LMTK2: variants seen among roughly 807,000 people sequenced by gnomAD.
LMTK2 encodes the protein lemur tail kinase 2.
LMTK2 carries 37 observed loss-of-function variants against 127.5 expected under a neutral mutation model. The observed-to-expected ratio is 0.29, with a 90% CI of 0.22 to 0.38. LMTK2 has a LOEUF of 0.38. Among genes scored for constraint, LMTK2 ranks in the 10% least tolerant of loss-of-function variants. The pLI, the probability that LMTK2 is intolerant of heterozygous loss-of-function variation, is 1.00. For synonymous variants in LMTK2, 819 were observed against 810.1 expected (o/e 1.01, Z -0.19); for missense variants, 1,694 against 1,920.3 (o/e 0.88, Z 2.20).
At chr7:98,121,981 C>T (rs1279466451) in intron 1 of LMTK2, among the ~76,000 whole-genome samples, 1 of 152,020 alleles carries the variant, frequency 6.6e-6, no homozygotes, top group African/African-American at 2.4e-5. Context: ...GGCGACAGAG[C>T]CGGACTGTCG....
chr7:98,175,919 G>A lies in LMTK2; in HGVS notation c.791+4245G>A, dbSNP rs114251654. Among the ~76,000 whole-genome samples the A allele has an allele frequency of 2.1e-3, 318 of 152,342 alleles. 3 individuals are homozygous for A. The highest frequency in any genetic ancestry group is 7.3e-3 in the African/African-American group (304 of 41,578). On this transcript the variant is annotated intron_variant, in intron 7 of 13. Transcript: ENST00000297293. ...CCTTTAATGAACAGGTGGCTCCAGT[G>A]TATTTAAACTATTCCGGACCATAAA...
intron 7 of LMTK2, among the ~76,000 whole-genome samples, chr7:98,172,178 G>C (rs1474951674): frequency 6.6e-6 from 1 of 152,218 alleles, no homozygotes; most frequent in Non-Finnish European, 1.5e-5. Flanking sequence ...GGTGTCATGG[G>C]ATCCGATCTG....
At chr7:98,147,380 GACTAATTT>G (rs1178241633) in intron 3 of LMTK2, among the ~76,000 whole-genome samples, 2 of 152,028 alleles carry the variant, frequency 1.3e-5, no homozygotes, top group African/African-American at 2.4e-5. Context: ...TACCACTCCT[GACTAATTT>G]ATTTTTAATT....
In LMTK2 at chr7:98,124,796, T is replaced by A. The variant is rs560138136; in HGVS notation, c.104-12519T>A. Among the ~76,000 whole-genome samples, 54 of 138,260 alleles carry A rather than the reference T, an allele frequency of 3.9e-4. 1 individual carries two copies. In the South Asian group the frequency reaches 9.4e-3, roughly 24 times the overall value. The allele number at this position is 138,260 out of a possible 152,430, so 90.7% of individuals were successfully genotyped here. On this transcript the variant is annotated intron_variant, in intron 1 of 13. Transcript: ENST00000297293. Reference sequence around the variant, plus strand: ...CAAGACTGTGTCTCTAAAAAAAAAATAATAATAACATAAAATGGGGCTAAT... The same window carrying A: ...CAAGACTGTGTCTCTAAAAAAAAAAAAATAATAACATAAAATGGGGCTAAT...
Position 98,134,450 on chromosome 7 carries a change from C to T in LMTK2, c.104-2865C>T, listed in dbSNP as rs184483622. Among the ~76,000 whole-genome samples the T allele has an allele frequency of 1.8e-4, 28 of 152,250 alleles. No homozygotes were observed. The East Asian group carries it at 5.0e-3, about 27-fold the overall frequency. ...CAATAAAAAACAGTGTACGTGAAAGCGCTTTGCTTTCCTCAGGAGTCAAAT... is the reference window on the plus strand; with the variant it reads ...CAATAAAAAACAGTGTACGTGAAAGTGCTTTGCTTTCCTCAGGAGTCAAAT... On this transcript the variant is annotated intron_variant, in intron 1 of 13. Coordinates refer to ENST00000297293, the MANE Select transcript of LMTK2 (RefSeq NM_014916.4).
intron 2 of LMTK2, among the ~76,000 whole-genome samples, chr7:98,138,483 G>A (rs542787133): frequency 3.3e-5 from 5 of 152,266 alleles, no homozygotes; most frequent in East Asian, 1.9e-4. Flanking sequence ...GAGGGTGGTT[G>A]GAAAACACTA....
At chr7:98,111,500 G>T (rs908957916) in intron 1 of LMTK2, among the ~76,000 whole-genome samples, 1 of 152,174 alleles carries the variant, frequency 6.6e-6, no homozygotes, top group East Asian at 1.9e-4. Flanking sequence ...TTTGTAGTGA[G>T]ATCTGGGTGT....
chr7:98,150,335 A>T (rs1365849826), intron 3 of LMTK2, among the ~76,000 whole-genome samples: 1 of 151,920 alleles, frequency 6.6e-6, no homozygotes, highest in Non-Finnish European at 1.5e-5. Flanking sequence ...AAAAATGAAA[A>T]CTAAAATAAG....
In LMTK2 at chr7:98,184,994, A is replaced by G. The variant is rs369812150; in HGVS notation, c.792-57A>G. The G allele has an allele frequency of 1.8e-4, 234 of 1,273,326 alleles. No individual in the cohort carries two copies. In the African/African-American group the frequency reaches 3.0e-3, roughly 16 times the overall value. 78.9% of individuals were successfully genotyped at this position (1,273,326 alleles called of 1,614,324 possible). On this transcript the variant is annotated intron_variant, in intron 7 of 13. Coordinates refer to ENST00000297293, the MANE Select transcript of LMTK2 (RefSeq NM_014916.4). ...AAGCCCATTTCTGTGGCATTTCCAT[A>G]CAGCATGATCCTGGTTGTTGATTCT...
At chr7:98,149,946 G>GC (rs35051073) in intron 3 of LMTK2, among the ~76,000 whole-genome samples, 152,142 of 152,262 alleles carry the variant, frequency 1, 76,011 homozygotes, top group Middle Eastern at 1. Flanking sequence ...ATAAGAAACA[G>GC]CCAATAAAAA....
intron 2 of LMTK2, among the ~76,000 whole-genome samples, chr7:98,140,144 T>TTC (rs1562902725): frequency 1.6e-5 from 1 of 60,696 alleles, no homozygotes; most frequent in African/African-American, 1.8e-4. Flanking sequence ...CTTTCTTTCT[T>TTC]TTCTTTTCTT....
intron 1 of LMTK2, among the ~76,000 whole-genome samples, chr7:98,113,004 G>C (rs1431067123): frequency 6.6e-6 from 1 of 152,138 alleles, no homozygotes; most frequent in Non-Finnish European, 1.5e-5. Flanking sequence ...GTCACCTACA[G>C]ACACTTACCT....
intron 11 of LMTK2, among the ~76,000 whole-genome samples, chr7:98,197,877 T>G (rs1046306860): frequency 6.6e-6 from 1 of 152,180 alleles, no homozygotes; most frequent in Non-Finnish European, 1.5e-5. Flanking sequence ...GGAATAAACA[T>G]TCAGGGCTCC....
intron 2 of LMTK2, 86 bp downstream of exon 2, chr7:98,137,528 A>T: frequency 1.5e-6 from 2 of 1,316,246 alleles, no homozygotes; most frequent in Non-Finnish European, 2.1e-6. Context: ...CTTTGGGAAC[A>T]GGATCAGCAG....
intron 1 of LMTK2, among the ~76,000 whole-genome samples, chr7:98,114,450 G>T (rs1796248571): frequency 1.3e-5 from 2 of 151,758 alleles, no homozygotes; most frequent in African/African-American, 4.8e-5. Context: ...TCACTATATT[G>T]CCCAGGCTGG....
intron 1 of LMTK2, among the ~76,000 whole-genome samples, chr7:98,120,875 C>T (rs1159671219): frequency 2.0e-5 from 3 of 152,178 alleles, no homozygotes; most frequent in Non-Finnish European, 2.9e-5. Flanking sequence ...GGAACACTCT[C>T]CCAGAGGCCT....
intron 1 of LMTK2, 64 bp from the exon 2 acceptor site, chr7:98,137,251 A>G (rs1796608669): frequency 6.8e-7 from 1 of 1,473,618 alleles, no homozygotes; most frequent in Admixed American, 2.0e-5. Flanking sequence ...AAATATATTG[A>G]TTCACTAATT....
chr7:98,168,346 G>GA (rs1797133960), intron 6 of LMTK2, among the ~76,000 whole-genome samples: 4 of 152,202 alleles, frequency 2.6e-5, no homozygotes, highest in Admixed American at 2.6e-4. Context: ...GTGGTGCTGA[G>GA]AAAAAATAGA....
intron 11 of LMTK2, among the ~76,000 whole-genome samples, chr7:98,203,056 C>T (rs1183797513): frequency 6.6e-6 from 1 of 152,186 alleles, no homozygotes; most frequent in African/African-American, 2.4e-5. Flanking sequence ...GGATTATAGG[C>T]AGCTGTTGCC....
Sources: gnomAD v4.1 joint callset for allele counts (sites outside exome capture counted in the v4.1 genomes callset) on GRCh38, gnomAD v4.1.1 for gene constraint, MANE v1.5 for transcripts, NCBI Gene and HGNC (gene_info 2026-07-23, HGNC 2026-07-21) for gene names.